Variants in AKT1S1 observed in about 807,000 individuals in gnomAD.
AKT1S1 encodes proline-rich AKT1 substrate 1.
Under a neutral mutation model 21.2 loss-of-function variants are expected in AKT1S1, and 17 were observed. The ratio of observed to expected loss-of-function variants is 0.80; its 90% confidence interval spans 0.55 to 1.20. AKT1S1 has a LOEUF of 1.20. Ranked by LOEUF, AKT1S1 falls within the 50% of genes most tolerant of loss-of-function variation. The pLI is 0.00. For missense variants in AKT1S1, 366 were observed against 368.3 expected, an observed-to-expected ratio of 0.99 and a Z score of 0.05; for synonymous variants, 181 against 165.6, an observed-to-expected ratio of 1.09 and a Z score of -0.72.
At chr19:49,878,077 C>T, upstream of AKT1S1, 7 of 1,337,206 alleles carry the variant, frequency 5.2e-6, no homozygotes, top group Non-Finnish European at 7.3e-6. Context: ...TGGGCCCGTC[C>T]CTATTGGCTC....
chr19:49,872,868 G>T (rs559128655), intron 2 of AKT1S1, 49 bp downstream of exon 2: 1 of 1,559,076 alleles, frequency 6.4e-7, no homozygotes, highest in Non-Finnish European at 8.6e-7. Context: ...AGCCTCCTGC[G>T]GGCACCTCAA....
chr19:49,869,680 C>G lies in AKT1S1; in HGVS notation c.*237G>C, dbSNP rs2074859742. 2.3e-6 allele frequency: 1 copy of G among 433,224 alleles called. No individual in the cohort carries two copies. The allele number at this position is 433,224 out of a possible 1,614,324, so 26.8% of individuals were successfully genotyped here. A position where few individuals can be genotyped will look rare whatever the true frequency, so the allele number is the denominator to read the frequency against. On this transcript the variant is annotated 3_prime_UTR_variant, in exon 5 of 5. Transcript: ENST00000344175. ...CAATCCCTTAATAGAAGGAATCTGT[C>G]GCTAGGCGGAGAGAGACGACAGACC...
At chr19:49,874,090 G>A (rs991974774) in intron 1 of AKT1S1, 1 of 152,472 alleles carries the variant, frequency 6.6e-6, no homozygotes, top group African/African-American at 2.4e-5. Flanking sequence ...CGGCCTTCCA[G>A]AGCCTCTGAG....
At chr19:49,872,156 A>G (rs1287082198) in intron 2 of AKT1S1, among the ~76,000 whole-genome samples, 1 of 152,198 alleles carries the variant, frequency 6.6e-6, no homozygotes, top group Non-Finnish European at 1.5e-5. Flanking sequence ...GTTCGGGACA[A>G]TGTGACTCAA....
intron 1 of AKT1S1, chr19:49,876,577 C>T (rs1431980965): frequency 6.7e-7 from 1 of 1,496,980 alleles, no homozygotes; most frequent in Non-Finnish European, 8.9e-7. Context: ...CCCCACACCG[C>T]GGTTAACAAC....
intron 1 of AKT1S1, chr19:49,874,973 TCACTCAGGGAGTTCAAAGCCC>T (rs952302701): frequency 6.6e-6 from 1 of 152,252 alleles, no homozygotes; most frequent in Non-Finnish European, 1.5e-5. Flanking sequence ...CCTATCTGAC[TCACTCAGGGAGTTCAAAGCCC>T]CAAGGGAAGG....
rs2074900070 is a variant in AKT1S1 at position 49,872,919 on chromosome 19, C to G, written c.377G>C (p.Gly126Ala). ...SGEQLGISDN[G>A]GLFVMDEDAT... ...CGCCCCTGCCCCCACCCTCTCACCT[C>G]CATTATCACTAATGCCCAGCTGCTC... The change falls in exon 2 of 5, where the codon GGA (glycine) becomes GCA (alanine). Residue 126 changes from glycine (G) to alanine (A), a missense_variant and splice_region_variant. By Grantham distance (60) the Gly-to-Ala change is moderately conservative. Coordinates refer to ENST00000344175, the MANE Select transcript of AKT1S1 (RefSeq NM_001098633.4). The G allele has an allele frequency of 6.3e-7, 1 of 1,599,120 alleles. No homozygotes were observed. The highest frequency in any genetic ancestry group is 8.5e-7 in the Non-Finnish European group (1 of 1,178,398).
intron 1 of AKT1S1, chr19:49,875,966 G>A: frequency 1.0e-6 from 1 of 985,446 alleles, no homozygotes; most frequent in Non-Finnish European, 1.2e-6. Flanking sequence ...GTAAGATCAG[G>A]GAGAGATTAG....
chr19:49,869,895 CG>C lies in AKT1S1; in HGVS notation c.*21del. On this transcript the variant is annotated 3_prime_UTR_variant, in exon 5 of 5. Transcript: ENST00000344175. ...AGTGTGGGACGGGGCGGACGCGGCC[CG>C]GGGCGCTCCCTCCCTGGACTTCAAT... is the stretch of plus-strand genomic sequence containing the variant. 1.4e-6 allele frequency: 2 copies of C among 1,467,298 alleles called. No homozygotes were observed. The highest frequency in any genetic ancestry group is 2.2e-5 in the Admixed American group (1 of 45,276). 90.9% of individuals were successfully genotyped at this position (1,467,298 alleles called of 1,614,324 possible). A position where few individuals can be genotyped will look rare whatever the true frequency, so the allele number is the denominator to read the frequency against.
chr19:49,872,678 G>A (rs376744630), intron 2 of AKT1S1, among the ~76,000 whole-genome samples: 22 of 152,160 alleles, frequency 1.4e-4, no homozygotes, highest in Non-Finnish European at 2.9e-4. Context: ...AGCCTGCTCT[G>A]TGTCCTTGTG....
At chr19:49,877,881 C>A, upstream of AKT1S1, 2 of 1,116,368 alleles carry the variant, frequency 1.8e-6, no homozygotes, top group Non-Finnish European at 2.5e-6. Flanking sequence ...AACGCGCCGT[C>A]ACCCTCCCGT....
upstream of AKT1S1, chr19:49,877,621 C>T: frequency 4.4e-6 from 6 of 1,352,742 alleles, no homozygotes; most frequent in Non-Finnish European, 6.1e-6. Flanking sequence ...CGGGTCGGGC[C>T]GCTACCACTG....
intron 3 of AKT1S1, 41 bp from the exon 4 acceptor site, chr19:49,871,757 G>C: frequency 2.5e-6 from 4 of 1,611,040 alleles, no homozygotes; most frequent in Non-Finnish European, 3.4e-6. Flanking sequence ...CCCTGCCTTT[G>C]TGTCGGCCGT....
At chr19:49,876,134 C>T in intron 1 of AKT1S1, 1 of 993,008 alleles carries the variant, frequency 1.0e-6, no homozygotes. Context: ...GGAACCTGAG[C>T]ATGAACGCGG....
chr19:49,874,390 T>C (rs2122385965), intron 1 of AKT1S1: 1 of 152,426 alleles, frequency 6.6e-6, no homozygotes, highest in African/African-American at 2.4e-5. Context: ...AAGACTGTTC[T>C]GGCAGGTCCT....
At chr19:49,875,920 A>T in intron 1 of AKT1S1, 1 of 985,366 alleles carries the variant, frequency 1.0e-6, no homozygotes, top group African/African-American at 1.7e-5. Flanking sequence ...GAGCTGAGAG[A>T]TGGAGGAAGA....
intron 1 of AKT1S1, among the ~76,000 whole-genome samples, chr19:49,875,614 GC>G (rs2074930896): frequency 6.6e-6 from 1 of 152,182 alleles, no homozygotes; most frequent in Admixed American, 6.5e-5. Flanking sequence ...CGGGCCTCCA[GC>G]CCCTAATGAC....
At chr19:49,877,793 C>T, upstream of AKT1S1, 1 of 1,557,066 alleles carries the variant, frequency 6.4e-7, no homozygotes, top group East Asian at 2.3e-5. Context: ...CGAAACGCCC[C>T]GTCTAGTGAT....
At position 49,873,257 on chromosome 19, in the gene AKT1S1, C is replaced by G; in HGVS notation, c.39G>C (p.Val13=). The G allele has an allele frequency of 6.5e-7, 1 of 1,533,494 alleles. No homozygotes were observed. Among genetic ancestry groups the G allele is most frequent in the Non-Finnish European group, 8.7e-7 (1 of 1,150,448 alleles). 95.0% of individuals were successfully genotyped at this position (1,533,494 alleles called of 1,614,324 possible). A position where few individuals can be genotyped will look rare whatever the true frequency, so the allele number is the denominator to read the frequency against. Residue 13 remains valine, a synonymous_variant, in exon 2 of 5, where the codon GTG becomes GTC. Coordinates refer to ENST00000344175, the MANE Select transcript of AKT1S1 (RefSeq NM_001098633.4). The surrounding 1 kb of genome is among the most constrained non-coding windows in gnomAD (Gnocchi z 6.9). Reference sequence around the variant, plus strand: ...CCCGGAAGCGCTCAGCGGCCCCCACCACGGCCTCCCACAGCTCCTCGGGGC... The same window carrying G: ...CCCGGAAGCGCTCAGCGGCCCCCACGACGGCCTCCCACAGCTCCTCGGGGC... ...SGRPEELWEA[V]VGAAERFRAR...
Sources: allele counts gnomAD v4.1 joint callset (sites outside exome capture counted in the v4.1 genomes callset), GRCh38; gene constraint gnomAD v4.1.1; non-coding constraint Gnocchi (gnomAD v3.1); transcripts MANE v1.5; gene names NCBI Gene and HGNC (gene_info 2026-07-23, HGNC 2026-07-21).